The following NELL1 variants were observed in gnomAD, a reference collection of about 807,000 sequenced individuals.
The protein encoded by NELL1 is protein kinase C-binding protein NELL1.
NELL1 carries 76 observed loss-of-function variants against 107.4 expected under a neutral mutation model. The ratio of observed to expected loss-of-function variants is 0.71; its 90% CI spans 0.59 to 0.86. The LOEUF (loss-of-function observed/expected upper bound fraction) is 0.86. Among genes scored for constraint, NELL1 ranks in the 40% least tolerant of loss-of-function variants. The pLI is 0.00. For missense variants in NELL1, 1,024 were observed against 1,005.5 expected, an observed-to-expected ratio of 1.02 and a Z score of -0.25; for synonymous variants, 353 against 341.2, an observed-to-expected ratio of 1.03 and a Z score of -0.38.
At chr11:21,334,829 G>C (rs755472548) in intron 14 of NELL1, among the ~76,000 whole-genome samples, 2 of 151,910 alleles carry the variant, frequency 1.3e-5, no homozygotes, top group Non-Finnish European at 2.9e-5. Flanking sequence ...TCAATATGCT[G>C]TATCTGCTGA....
At chr11:21,524,590 T>C (rs4614448) in intron 15 of NELL1, among the ~76,000 whole-genome samples, 127,934 of 151,980 alleles carry the variant, frequency 0.84, 55,612 homozygotes, top group Non-Finnish European at 0.95. Context: ...TAGGTGGGTA[T>C]GTAAAGCAAC....
At chr11:20,797,730 A>G (rs1197454413) in intron 3 of NELL1, among the ~76,000 whole-genome samples, 1 of 152,036 alleles carries the variant, frequency 6.6e-6, no homozygotes, top group Non-Finnish European at 1.5e-5. Flanking sequence ...GGGGATAGAG[A>G]AGGAGGAGTC....
chr11:21,190,209 G>T (rs952529275), intron 13 of NELL1, among the ~76,000 whole-genome samples: 2 of 151,674 alleles, frequency 1.3e-5, no homozygotes, highest in Non-Finnish European at 2.9e-5. Context: ...AAAATTAGCT[G>T]GGCATGCTGG....
At chr11:21,564,591 A>AGAT (rs1374096541) in intron 17 of NELL1, among the ~76,000 whole-genome samples, 1 of 151,928 alleles carries the variant, frequency 6.6e-6, no homozygotes, top group Non-Finnish European at 1.5e-5. Context: ...TATGAAGGCC[A>AGAT]GATAGTGTTT....
intron 13 of NELL1, among the ~76,000 whole-genome samples, chr11:21,160,765 C>G (rs1202492405): frequency 6.6e-6 from 1 of 152,090 alleles, no homozygotes; most frequent in Non-Finnish European, 1.5e-5. Context: ...ACAAAGGAAA[C>G]TTATACATTA....
chr11:21,018,212 G>A (rs1852614752), intron 12 of NELL1, among the ~76,000 whole-genome samples: 2 of 152,010 alleles, frequency 1.3e-5, no homozygotes, highest in African/African-American at 4.8e-5. Context: ...ATTTCTCTTG[G>A]CATTTCTAGC....
intron 3 of NELL1, among the ~76,000 whole-genome samples, chr11:20,800,409 A>C (rs185512822): frequency 7.2e-5 from 11 of 152,216 alleles, no homozygotes; most frequent in Admixed American, 2.0e-4. Flanking sequence ...ATGAGATGGT[A>C]TTTCATTGTG....
At chr11:21,141,554 G>A (rs1489020944) in intron 13 of NELL1, among the ~76,000 whole-genome samples, 1 of 151,992 alleles carries the variant, frequency 6.6e-6, no homozygotes, top group Non-Finnish European at 1.5e-5. Context: ...ATGCTTCAGT[G>A]GATTTTAAGT....
intron 2 of NELL1, among the ~76,000 whole-genome samples, chr11:20,681,405 A>C (rs561415335): frequency 7.2e-5 from 11 of 152,124 alleles, no homozygotes; most frequent in African/African-American, 1.2e-4. Flanking sequence ...AGGATCCTCC[A>C]TCTTTGGGTA....
chr11:21,140,490 G>A lies in NELL1; in HGVS notation c.1426+26776G>A, dbSNP rs78185962. Among the ~76,000 whole-genome samples the A allele has an allele frequency of 9.5e-3, 1,446 of 152,228 alleles. 64 individuals are homozygous for A. The East Asian group carries it at 0.11, about 12-fold the overall frequency. ...TAAAATTGCTCTTATTATTACTTCA[G>A]TACACAGAAGCTTTGGAAGAGTATT... On this transcript the variant is annotated intron_variant, in intron 13 of 19. Transcript: ENST00000357134.
At chr11:21,020,844 T>C (rs1026770014) in intron 12 of NELL1, among the ~76,000 whole-genome samples, 3 of 151,908 alleles carry the variant, frequency 2.0e-5, no homozygotes, top group African/African-American at 7.3e-5. Context: ...AGGAAGCCCA[T>C]AAACAACCAC....
chr11:21,528,984 T>C (rs1034853468), intron 15 of NELL1, among the ~76,000 whole-genome samples: 5 of 152,256 alleles, frequency 3.3e-5, no homozygotes, highest in African/African-American at 1.2e-4. Context: ...GCACAGTCTT[T>C]TCCCTGAATA....
chr11:20,683,809 T>C (rs1854244046), intron 2 of NELL1, among the ~76,000 whole-genome samples: 1 of 152,072 alleles, frequency 6.6e-6, no homozygotes, highest in South Asian at 2.1e-4. Context: ...ACTTATATTG[T>C]TTCCAACAAG....
chr11:21,543,018 G>A (rs1224742815), intron 16 of NELL1, among the ~76,000 whole-genome samples: 1 of 151,882 alleles, frequency 6.6e-6, no homozygotes, highest in African/African-American at 2.4e-5. Context: ...CTATTCCAGG[G>A]AAGAGACATG....
At position 20,983,406 on chromosome 11, in the gene NELL1, A is replaced by G. The variant is rs141131021; in HGVS notation, c.1300+22846A>G. On this transcript the variant is annotated intron_variant, in intron 12 of 19. Coordinates refer to ENST00000357134, the MANE Select transcript of NELL1 (RefSeq NM_006157.5). ...ATAAGTGGTTTACTAACACAGTTAT[A>G]TACTACACCCCCCAGCTCAGACCAC... is the stretch of plus-strand genomic sequence containing the variant. 3.1e-4 allele frequency among the ~76,000 whole-genome samples: 43 copies of G among 137,326 alleles called. No homozygotes were observed. The East Asian group carries it at 0.011, about 34-fold the overall frequency. The allele number at this position is 137,326 out of a possible 152,430, so 90.1% of individuals were successfully genotyped here.
chr11:20,840,978 C>A (rs1848611221), intron 3 of NELL1, among the ~76,000 whole-genome samples: 1 of 152,170 alleles, frequency 6.6e-6, no homozygotes, highest in Non-Finnish European at 1.5e-5. Context: ...TAACTTGTGC[C>A]CATTGTTACT....
At chr11:21,305,673 A>G (rs1373282468) in intron 14 of NELL1, among the ~76,000 whole-genome samples, 1 of 152,000 alleles carries the variant, frequency 6.6e-6, no homozygotes, top group Non-Finnish European at 1.5e-5. Flanking sequence ...TGTACACTAC[A>G]TATCTAGACA....
chr11:21,354,122 G>A (rs1319340567), intron 14 of NELL1, among the ~76,000 whole-genome samples: 1 of 152,038 alleles, frequency 6.6e-6, no homozygotes, highest in Non-Finnish European at 1.5e-5. Context: ...GTTTCTAGAT[G>A]AGCCCAATGT....
chr11:21,437,027 T>A (rs892556260), intron 15 of NELL1, among the ~76,000 whole-genome samples: 8 of 152,216 alleles, frequency 5.3e-5, no homozygotes, highest in African/African-American at 1.7e-4. Context: ...TTTTATGACC[T>A]AATATATGGT....
Sources: allele counts gnomAD v4.1 joint callset (sites outside exome capture counted in the v4.1 genomes callset), GRCh38; gene constraint gnomAD v4.1.1; transcripts MANE v1.5; gene names NCBI Gene and HGNC (gene_info 2026-07-23, HGNC 2026-07-21).